MEAK7: variants seen among roughly 807,000 people sequenced by gnomAD.
MEAK7 encodes MTOR-associated protein MEAK7.
Under a neutral mutation model 40.5 loss-of-function variants are expected in MEAK7, and 68 were observed. The ratio of observed to expected loss-of-function variants is 1.68; its 90% CI spans 1.38 to 2.06. MEAK7 has a LOEUF of 2.06. MEAK7 is among the 30% of genes most tolerant of loss of function. The pLI is 0.00. For synonymous variants in MEAK7, 338 were observed against 231.9 expected (o/e 1.46, Z -4.16); for missense variants, 918 against 580.5 (o/e 1.58, Z -5.98).
rs1912431329 is a variant in MEAK7, at chr16:84,480,491, A to G, written c.1257+38T>C. ...AAATGCAGAAAGGCCCCCAGGCTCA[A>G]GGGGCCATCCTGGGATGCAGAGGAC... On this transcript the variant is annotated intron_variant, in intron 7 of 7. Transcript: ENST00000343629. 1.9e-6 allele frequency: 3 copies of G among 1,544,374 alleles called. No individual in the cohort carries two copies. The African/African-American group carries it at 4.2e-5, about 21-fold the overall frequency.
intron 6 of MEAK7, 65 bp downstream of exon 6, chr16:84,482,527 C>G: frequency 6.2e-7 from 1 of 1,611,866 alleles, no homozygotes; most frequent in Non-Finnish European, 8.5e-7. Context: ...AGCTGAGCCT[C>G]GGGGTTGACA....
At chr16:84,499,605 T>C (rs910266679) in intron 1 of MEAK7, among the ~76,000 whole-genome samples, 3 of 152,090 alleles carry the variant, frequency 2.0e-5, no homozygotes, top group African/African-American at 4.8e-5. Flanking sequence ...CCCTCACAGA[T>C]CCAAAACATG....
intron 3 of MEAK7, among the ~76,000 whole-genome samples, chr16:84,495,206 T>C (rs779821743): frequency 7.2e-5 from 11 of 151,868 alleles, no homozygotes; most frequent in Non-Finnish European, 1.5e-4. Flanking sequence ...GAGGCAGAGG[T>C]TGCAGTGAGT....
chr16:84,499,305 A>G (rs922909591), intron 1 of MEAK7, among the ~76,000 whole-genome samples: 4 of 152,162 alleles, frequency 2.6e-5, no homozygotes, highest in African/African-American at 4.8e-5. Flanking sequence ...TTTTCCGGAA[A>G]CCCAGTGTCA....
intron 4 of MEAK7, 47 bp from the exon 5 acceptor site, chr16:84,487,106 T>C: frequency 6.4e-7 from 1 of 1,555,870 alleles, no homozygotes; most frequent in Non-Finnish European, 8.7e-7. Flanking sequence ...TATGTCACCA[T>C]TTAGCTACTA....
At chr16:84,490,303 G>C (rs1181563082) in intron 3 of MEAK7, among the ~76,000 whole-genome samples, 1 of 150,330 alleles carries the variant, frequency 6.7e-6, no homozygotes, top group African/African-American at 2.4e-5. Flanking sequence ...AAGAAGGAAA[G>C]AGCAAGGCCA....
At chr16:84,491,175 C>G (rs9936378) in intron 3 of MEAK7, among the ~76,000 whole-genome samples, 1 of 151,856 alleles carries the variant, frequency 6.6e-6, no homozygotes, top group African/African-American at 2.4e-5. Flanking sequence ...CGTGGTGGCT[C>G]ACGCCTGTAA....
intron 6 of MEAK7, among the ~76,000 whole-genome samples, chr16:84,481,121 G>C (rs766598538): frequency 6.6e-6 from 1 of 152,212 alleles, no homozygotes; most frequent in Non-Finnish European, 1.5e-5. Flanking sequence ...CCAGTGCCCC[G>C]CTTCCGGGCA....
intron 1 of MEAK7, among the ~76,000 whole-genome samples, chr16:84,499,147 T>C (rs1914293502): frequency 6.6e-6 from 1 of 152,154 alleles, no homozygotes; most frequent in Admixed American, 6.5e-5. Context: ...ACCTGGGGCC[T>C]TGTTCACTGT....
chr16:84,483,593 C>T (rs1327973763), intron 5 of MEAK7, among the ~76,000 whole-genome samples: 2 of 152,200 alleles, frequency 1.3e-5, no homozygotes, highest in African/African-American at 4.8e-5. Context: ...AAGAAGGGGG[C>T]ACCAAGACCA....
intron 1 of MEAK7, chr16:84,503,841 T>G: frequency 1.3e-6 from 1 of 779,494 alleles, no homozygotes; most frequent in African/African-American, 1.9e-5. Flanking sequence ...AGTCACCTCC[T>G]GCTCAGAGCT....
Position 84,478,075 on chromosome 16 carries a change from G to T in MEAK7, c.*1838C>A, listed in dbSNP as rs1047964760. On this transcript the variant is annotated 3_prime_UTR_variant, in exon 8 of 8. Transcript: ENST00000343629. ...TTTTTTTTTTAACTGAGGCATCATG[G>T]CAGTTTAATAGTGAGGTATTTAATT... The T allele has an allele frequency of 1.3e-5, 2 of 152,006 alleles. No individual in the cohort carries two copies. The highest frequency in any genetic ancestry group is 4.8e-5 in the African/African-American group (2 of 41,398). 9.4% of individuals were successfully genotyped at this position (152,006 alleles called of 1,614,324 possible).
intron 1 of MEAK7, among the ~76,000 whole-genome samples, chr16:84,499,207 A>G (rs1349853626): frequency 1.3e-5 from 2 of 152,214 alleles, no homozygotes; most frequent in Admixed American, 6.5e-5. Context: ...CGGGGGATTC[A>G]AACAAAAAAG....
rs1913992717 is a variant in MEAK7 at position 84,495,794 on chromosome 16, G to A, written c.273C>T (p.Phe91=). ...GPSENVSQEQ[F]TASMSHLLKG... is the part of the protein sequence containing the mutation. ...TCAACAGGTGGGACATGGATGCTGT[G>A]AACTGCTCCTGGGACACGTTCTCAC... Residue 91 remains phenylalanine (F), a synonymous_variant, in exon 3 of 8, where the codon TTC becomes TTT. Transcript: ENST00000343629. 1 of 1,613,938 alleles carries A rather than the reference G, an allele frequency of 6.2e-7. No homozygotes were observed. The highest frequency in any genetic ancestry group is 1.3e-5 in the African/African-American group (1 of 74,854).
intron 6 of MEAK7, among the ~76,000 whole-genome samples, chr16:84,481,015 G>A (rs112737609): frequency 1.1e-4 from 16 of 151,938 alleles, no homozygotes; most frequent in Admixed American, 2.6e-4. Flanking sequence ...AATATATATA[G>A]AGAAAGAGAC....
intron 3 of MEAK7, among the ~76,000 whole-genome samples, chr16:84,493,845 C>A (rs1463926016): frequency 1.3e-5 from 2 of 152,176 alleles, no homozygotes; most frequent in African/African-American, 4.8e-5. Context: ...ATAAAAGCCA[C>A]TGGACAAACT....
Position 84,479,871 on chromosome 16 carries a change from G to A in MEAK7, c.*42C>T. ...GGCTGCAGGCGTTGCCCTCTACCCAGAGGAATCCAGGTCCTGGCTCCAGGA... is the reference window on the plus strand; with the variant it reads ...GGCTGCAGGCGTTGCCCTCTACCCAAAGGAATCCAGGTCCTGGCTCCAGGA... On this transcript the variant is annotated 3_prime_UTR_variant, in exon 8 of 8. Coordinates refer to ENST00000343629, the MANE Select transcript of MEAK7 (RefSeq NM_020947.4). The A allele has an allele frequency of 6.6e-7, 1 of 1,522,146 alleles. No individual in the cohort carries two copies. The highest frequency in any genetic ancestry group is 9.0e-7 in the Non-Finnish European group (1 of 1,113,528). 94.3% of individuals were successfully genotyped at this position (1,522,146 alleles called of 1,614,324 possible).
intron 2 of MEAK7, 92 bp from the exon 3 acceptor site, chr16:84,496,005 A>T: frequency 7.2e-7 from 1 of 1,379,360 alleles, no homozygotes; most frequent in Non-Finnish European, 1.0e-6. Context: ...AGAGAGGAAA[A>T]GGGGTCCTTG....
chr16:84,495,616 T>A, intron 3 of MEAK7, 67 bp downstream of exon 3: 7 of 1,496,688 alleles, frequency 4.7e-6, no homozygotes, highest in Non-Finnish European at 5.6e-6. Context: ...GTAACTGGCC[T>A]CCATCCCCCC....
Sources: allele counts gnomAD v4.1 joint callset (sites outside exome capture counted in the v4.1 genomes callset), GRCh38; gene constraint gnomAD v4.1.1; transcripts MANE v1.5; gene names NCBI Gene and HGNC (gene_info 2026-07-23, HGNC 2026-07-21).